Variants in PRMT8 observed in about 807,000 individuals in gnomAD.
PRMT8 encodes protein arginine methyltransferase 8, also known as protein arginine N-methyltransferase 8.
Under a neutral mutation model 47.1 loss-of-function variants are expected in PRMT8, and 7 were observed. That is an observed-to-expected ratio of 0.15 (90% CI 0.08 to 0.28). The LOEUF is 0.28. Ranked by LOEUF, PRMT8 falls within the 10% of genes least tolerant of loss-of-function variation. PRMT8 has a pLI of 1.00. For missense variants in PRMT8, 237 were observed against 505.4 expected (o/e 0.47, Z 5.09); for synonymous variants, 188 against 186.5 (o/e 1.01, Z -0.07).
At chr12:3,554,859 G>C (rs1866497525) in intron 4 of PRMT8, among the ~76,000 whole-genome samples, 1 of 152,144 alleles carries the variant, frequency 6.6e-6, no homozygotes, top group Non-Finnish European at 1.5e-5. Context: ...CATGCTCCCT[G>C]CTGACCTGCC....
upstream of PRMT8, among the ~76,000 whole-genome samples, chr12:3,489,411 T>C (rs569837716): frequency 1.2e-3 from 175 of 151,922 alleles, 6 homozygotes; most frequent in South Asian, 0.035. Flanking sequence ...CTGGGTCCTC[T>C]GCTTGCTGAT....
chr12:3,442,706 TG>T (rs1864816235), intron 1 of PRMT8, among the ~76,000 whole-genome samples: 1 of 152,206 alleles, frequency 6.6e-6, no homozygotes, highest in South Asian at 2.1e-4. Flanking sequence ...TCACCCAGGC[TG>T]GAGTGCAATG....
chr12:3,443,480 A>C (rs1344489566), intron 1 of PRMT8, among the ~76,000 whole-genome samples: 2 of 152,098 alleles, frequency 1.3e-5, no homozygotes, highest in African/African-American at 4.8e-5. Flanking sequence ...TTCACCATAA[A>C]GTCTTGCCAA....
intron 4 of PRMT8, among the ~76,000 whole-genome samples, chr12:3,556,739 G>A (rs9669266): frequency 0.44 from 67,239 of 151,704 alleles, 15,172 homozygotes; most frequent in East Asian, 0.63. Context: ...GACAGAGAAA[G>A]ATTGCAGGTG....
At chr12:3,556,402 G>GA (rs1866528642) in intron 4 of PRMT8, among the ~76,000 whole-genome samples, 1 of 152,050 alleles carries the variant, frequency 6.6e-6, no homozygotes, top group Non-Finnish European at 1.5e-5. Flanking sequence ...CAGGAGAGAG[G>GA]AGGACCATGA....
At chr12:3,476,897 C>A (rs941028023) in intron 1 of PRMT8, among the ~76,000 whole-genome samples, 77 of 152,276 alleles carry the variant, frequency 5.1e-4, no homozygotes, top group African/African-American at 1.5e-3. Context: ...GAGGAGAGCC[C>A]CTCAAGAGCT....
At chr12:3,559,165 G>A (rs988779645) in intron 4 of PRMT8, among the ~76,000 whole-genome samples, 5 of 152,004 alleles carry the variant, frequency 3.3e-5, no homozygotes, top group African/African-American at 1.2e-4. Context: ...TACTTGCTTC[G>A]ATACTCAAAT....
At chr12:3,523,679 G>T (rs556629533) in intron 1 of PRMT8, among the ~76,000 whole-genome samples, 1 of 152,258 alleles carries the variant, frequency 6.6e-6, no homozygotes, top group South Asian at 2.1e-4. Flanking sequence ...TCAGGCACAG[G>T]GTAGTTCTGT....
chr12:3,417,634 CCCAGCTTAAAATATGA>C (rs1864496607), intron 1 of PRMT8, among the ~76,000 whole-genome samples: 1 of 152,000 alleles, frequency 6.6e-6, no homozygotes, highest in Non-Finnish European at 1.5e-5. Flanking sequence ...GTAATTTGAC[CCCAGCTTAAAATATGA>C]CCTGTACTCA....
chr12:3,491,596 C>A lies in PRMT8; in HGVS notation c.-30C>A. 6.2e-7 allele frequency: 1 copy of A among 1,609,000 alleles called. No homozygotes were observed. On this transcript the variant is annotated 5_prime_UTR_variant, in exon 1 of 10. Coordinates refer to ENST00000382622, the MANE Select transcript of PRMT8 (RefSeq NM_019854.5). ...CCAGCTCTCTCTCCTCCTCTACTATCTCGGTATCACCAAACCCTTGCCGGC... is the reference window on the plus strand; with the variant it reads ...CCAGCTCTCTCTCCTCCTCTACTATATCGGTATCACCAAACCCTTGCCGGC...
chr12:3,491,349 C>A lies in PRMT8; in HGVS notation c.-277C>A. Reference sequence around the variant, plus strand: ...GGCTGCTTCCCTCGAGCTTAGCCCGCAGCGCGGGTGGAGAGGGGCGGGGAG... The same window carrying A: ...GGCTGCTTCCCTCGAGCTTAGCCCGAAGCGCGGGTGGAGAGGGGCGGGGAG... On this transcript the variant is annotated 5_prime_UTR_variant, in exon 1 of 10. Coordinates refer to ENST00000382622, the MANE Select transcript of PRMT8 (RefSeq NM_019854.5). 8.5e-7 allele frequency: 1 copy of A among 1,170,866 alleles called. No individual in the cohort carries two copies. The highest frequency in any genetic ancestry group is 1.1e-6 in the Non-Finnish European group (1 of 947,908). 72.5% of individuals were successfully genotyped at this position (1,170,866 alleles called of 1,614,324 possible). A position where few individuals can be genotyped will look rare whatever the true frequency, so the allele number is the denominator to read the frequency against.
intron 7 of PRMT8, among the ~76,000 whole-genome samples, chr12:3,579,013 A>G (rs1426763652): frequency 6.6e-6 from 1 of 152,084 alleles, no homozygotes; most frequent in Non-Finnish European, 1.5e-5. Flanking sequence ...TTGTGAGCAA[A>G]TGTGTCCTTT....
At chr12:3,497,244 T>G (rs1462580474) in intron 1 of PRMT8, among the ~76,000 whole-genome samples, 3 of 152,186 alleles carry the variant, frequency 2.0e-5, no homozygotes, top group Admixed American at 6.5e-5. Context: ...ACTGGCTTAG[T>G]AACAAGATAG....
chr12:3,523,187 A>G (rs1865906223), intron 1 of PRMT8, among the ~76,000 whole-genome samples: 1 of 152,238 alleles, frequency 6.6e-6, no homozygotes, highest in South Asian at 2.1e-4. Flanking sequence ...GCCCTGTGCT[A>G]GCTGAAATGG....
At chr12:3,412,139 T>A (rs958612220) in intron 1 of PRMT8, among the ~76,000 whole-genome samples, 8 of 152,244 alleles carry the variant, frequency 5.3e-5, no homozygotes, top group African/African-American at 1.9e-4. Context: ...CTATCCCTAC[T>A]GCTCCTAGGC....
chr12:3,507,341 T>G (rs1255517411), intron 1 of PRMT8, among the ~76,000 whole-genome samples: 2 of 152,092 alleles, frequency 1.3e-5, no homozygotes, highest in African/African-American at 4.8e-5. Flanking sequence ...CAGGATGGTC[T>G]CGATCTCCTG....
At chr12:3,567,902 C>T (rs373505038) in intron 4 of PRMT8, among the ~76,000 whole-genome samples, 42 of 152,042 alleles carry the variant, frequency 2.8e-4, no homozygotes, top group African/African-American at 5.8e-4. Flanking sequence ...GGTGAAACCC[C>T]GTCTCTACTA....
At position 3,583,943 on chromosome 12, in the gene PRMT8, G is replaced by T. The variant is rs542700680; in HGVS notation, c.979+735G>T. Among the ~76,000 whole-genome samples, 5 of 152,174 alleles carry T rather than the reference G, an allele frequency of 3.3e-5. No homozygotes were observed. Among genetic ancestry groups the T allele is most frequent in the Admixed American group, 3.3e-4 (5 of 15,276 alleles). The stretch of plus-strand genomic sequence containing the variant: ...TCAGTGAGGCCTCTTCATTCTCTGG[G>T]CCATGGCTTCTACACACACCAGCCC... On this transcript the variant is annotated intron_variant, in intron 8 of 9. Transcript: ENST00000382622. This position sits in a 1 kb window ranked among gnomAD's most constrained non-coding sequence, Gnocchi z 4.7.
intron 1 of PRMT8, among the ~76,000 whole-genome samples, chr12:3,522,288 G>T (rs548237138): frequency 6.6e-5 from 10 of 152,102 alleles, no homozygotes; most frequent in Non-Finnish European, 1.5e-4. Context: ...TAGGTTAAAA[G>T]GACTTCTAAC....
Sources: gnomAD v4.1 joint callset for allele counts (sites outside exome capture counted in the v4.1 genomes callset) on GRCh38, gnomAD v4.1.1 for gene constraint, Gnocchi (gnomAD v3.1) non-coding constraint, MANE v1.5 for transcripts, NCBI Gene and HGNC (gene_info 2026-07-23, HGNC 2026-07-21) for gene names.